The following FOCAD variants were observed in gnomAD, a reference collection of about 807,000 sequenced individuals.
FOCAD encodes the protein focadhesin, also known as KIAA1797.
A neutral mutation model predicts 225.6 loss-of-function variants in FOCAD; 198 were observed. That is an observed-to-expected ratio of 0.88 (90% CI 0.78 to 0.99). The LOEUF is 0.99. FOCAD is among the 50% of genes least tolerant of loss of function. The probability of loss-of-function intolerance (pLI) is 0.00; values close to 1 mark genes in which losing one functional copy is unlikely to be tolerated. For synonymous variants in FOCAD, 897 were observed against 755.0 expected (o/e 1.19, Z -3.08); for missense variants, 2,713 against 2,123.6 (o/e 1.28, Z -5.46).
intron 33 of FOCAD, among the ~76,000 whole-genome samples, chr9:20,950,546 A>C (rs1837594145): frequency 1.3e-5 from 2 of 152,210 alleles, no homozygotes; most frequent in African/African-American, 4.8e-5. Context: ...AATGAAAATT[A>C]TTATTTTAAA....
rs1287677384 is a variant in FOCAD at position 20,781,914 on chromosome 9, A to G, written c.1182A>G (p.Arg394=). ...LLEMIQQECY[R]DDHQKLSYKL... ...AAATGATACAGCAGGAATGTTACAGAGATGACCACCAAAAGGTAATGAATC... is the reference window on the plus strand; with the variant it reads ...AAATGATACAGCAGGAATGTTACAGGGATGACCACCAAAAGGTAATGAATC... Residue 394 remains arginine, a synonymous_variant, in exon 10 of 44, where the codon AGA becomes AGG. Coordinates refer to ENST00000338382, the MANE Select transcript of FOCAD (RefSeq NM_001375567.1). 1.9e-6 allele frequency: 3 copies of G among 1,613,748 alleles called. No individual in the cohort carries two copies. In the Admixed American group the frequency reaches 5.0e-5, roughly 27 times the overall value.
intron 1 of FOCAD, chr9:20,684,506 C>T (rs1263819047): frequency 6.5e-6 from 1 of 152,796 alleles, no homozygotes; most frequent in Non-Finnish European, 1.5e-5. Flanking sequence ...CTCGTCCGGT[C>T]CTGCTGGGGC....
intron 13 of FOCAD, among the ~76,000 whole-genome samples, 173 bp from the exon 14 acceptor site, chr9:20,820,768 A>G (rs1164302651): frequency 1.3e-5 from 2 of 152,168 alleles, no homozygotes; most frequent in Non-Finnish European, 2.9e-5. Context: ...ACATTGGTGT[A>G]TAAGAAAATC....
intron 15 of FOCAD, among the ~76,000 whole-genome samples, chr9:20,861,485 A>G (rs1828768349): frequency 6.6e-6 from 1 of 152,236 alleles, no homozygotes; most frequent in African/African-American, 2.4e-5. Flanking sequence ...GGGGATCCCA[A>G]ATCAAAGAGC....
intron 2 of FOCAD, among the ~76,000 whole-genome samples, chr9:20,677,683 TAAC>T (rs1822275955): frequency 6.6e-6 from 1 of 152,158 alleles, no homozygotes; most frequent in Non-Finnish European, 1.5e-5. Flanking sequence ...TTAGAAAAGG[TAAC>T]AAGTGTTAAG....
At chr9:20,921,864 A>G (rs1028097798) in intron 24 of FOCAD, among the ~76,000 whole-genome samples, 1 of 152,172 alleles carries the variant, frequency 6.6e-6, no homozygotes, top group Non-Finnish European at 1.5e-5. Flanking sequence ...AGAACTTTTT[A>G]TGTTATCTTG....
chr9:20,946,629 T>G (rs1278980624), intron 29 of FOCAD, 72 bp from the exon 30 acceptor site: 74 of 1,519,722 alleles, frequency 4.9e-5, no homozygotes, highest in Non-Finnish European at 6.2e-5. Context: ...TGACAGAATA[T>G]CTTGTCAACT....
intron 11 of FOCAD, among the ~76,000 whole-genome samples, chr9:20,815,484 A>T (rs1445755900): frequency 6.6e-6 from 1 of 151,708 alleles, no homozygotes; most frequent in Non-Finnish European, 1.5e-5. Flanking sequence ...CAGATATAGT[A>T]TCCAGTATCT....
intron 21 of FOCAD, among the ~76,000 whole-genome samples, chr9:20,893,725 AG>A (rs2131925050): frequency 6.6e-6 from 1 of 152,210 alleles, no homozygotes; most frequent in Non-Finnish European, 1.5e-5. Context: ...GAGCAGTTTT[AG>A]GTTCACAGCA....
chr9:20,727,723 A>T (rs1054569555), intron 4 of FOCAD, among the ~76,000 whole-genome samples: 1 of 152,194 alleles, frequency 6.6e-6, no homozygotes, highest in African/African-American at 2.4e-5. Context: ...ATGACTTACT[A>T]TGCTTAAGAC....
At chr9:20,763,997 A>G (rs1829841325) in intron 6 of FOCAD, among the ~76,000 whole-genome samples, 2 of 152,196 alleles carry the variant, frequency 1.3e-5, no homozygotes, top group African/African-American at 4.8e-5. Context: ...TATCCGTGTT[A>G]TAAGGATAAT....
At chr9:20,803,567 G>T (rs1200645698) in intron 11 of FOCAD, among the ~76,000 whole-genome samples, 1 of 152,104 alleles carries the variant, frequency 6.6e-6, no homozygotes, top group Non-Finnish European at 1.5e-5. Context: ...ATGGGCAAGA[G>T]AACTCTAGGG....
At chr9:20,713,310 C>T (rs1452097409) in intron 1 of FOCAD, among the ~76,000 whole-genome samples, 2 of 152,172 alleles carry the variant, frequency 1.3e-5, no homozygotes, top group Non-Finnish European at 2.9e-5. Context: ...CTTCCTAAGA[C>T]AGGGCTTAAG....
intron 23 of FOCAD, among the ~76,000 whole-genome samples, chr9:20,914,131 G>T (rs1220924593): frequency 1.3e-5 from 2 of 151,616 alleles, no homozygotes; most frequent in African/African-American, 4.8e-5. Flanking sequence ...AGTTAAACCT[G>T]CAGTAACTAA....
rs147733263 is a variant in FOCAD at position 20,942,965 on chromosome 9, CAA to C, written c.3408-1660_3408-1659del. ...TAAGCATAAGTAGCAGTTAAATAGTCAAAGAGAGAACAACAGTCAAATGTGTC... is the reference window on the plus strand; with the variant it reads ...TAAGCATAAGTAGCAGTTAAATAGTCAGAGAGAACAACAGTCAAATGTGTC... On this transcript the variant is annotated intron_variant, in intron 28 of 43. Transcript: ENST00000338382. 3.0e-3 allele frequency among the ~76,000 whole-genome samples: 453 copies of C among 152,222 alleles called. 2 individuals carry two copies. The highest frequency in any genetic ancestry group is 4.5e-3 in the Non-Finnish European group (307 of 68,008).
At chr9:20,951,145 C>T (rs375483163) in intron 34 of FOCAD, 47 bp downstream of exon 34, 27 of 1,392,810 alleles carry the variant, frequency 1.9e-5, no homozygotes, top group African/African-American at 1.4e-4. Flanking sequence ...GAGGGATTGC[C>T]GACCCAGCGC....
upstream of FOCAD, among the ~76,000 whole-genome samples, chr9:20,655,992 T>G (rs201006922): frequency 5.5e-3 from 833 of 151,702 alleles, 8 homozygotes; most frequent in African/African-American, 0.011. Context: ...GTTCTCGTTG[T>G]TTTCAAAGAA....
chr9:20,686,151 G>C (rs886109302), intron 1 of FOCAD, among the ~76,000 whole-genome samples: 1 of 152,056 alleles, frequency 6.6e-6, no homozygotes, highest in Non-Finnish European at 1.5e-5. Flanking sequence ...TTAAAATTTT[G>C]CATTTGCTAT....
In FOCAD at chr9:20,740,636, A is replaced by G. The variant is rs1827532422; in HGVS notation, c.392+296A>G. Reference sequence around the variant, plus strand: ...TAGAATATGTAACCATCTTCACAGTATTATGAAAATGGAAGACTTCATTGA... The same window carrying G: ...TAGAATATGTAACCATCTTCACAGTGTTATGAAAATGGAAGACTTCATTGA... On this transcript the variant is annotated intron_variant, in intron 5 of 43. Transcript: ENST00000338382. Among the ~76,000 whole-genome samples the G allele has an allele frequency of 3.3e-5, 5 of 152,300 alleles. No individual in the cohort carries two copies. In the South Asian group the frequency reaches 8.3e-4, roughly 25 times the overall value.
Sources: gnomAD v4.1 joint callset for allele counts (sites outside exome capture counted in the v4.1 genomes callset) on GRCh38, gnomAD v4.1.1 for gene constraint, MANE v1.5 for transcripts, NCBI Gene and HGNC (gene_info 2026-07-23, HGNC 2026-07-21) for gene names.